Variants in CTNND2 observed in about 807,000 individuals in gnomAD.
The protein encoded by CTNND2 is catenin delta-2.
In CTNND2, 22 loss-of-function variants were observed where a neutral mutation model predicts 144.4. The observed-to-expected ratio is 0.15, with a 90% CI of 0.11 to 0.22. CTNND2 has a LOEUF of 0.22. Ranked by LOEUF, CTNND2 falls within the 10% of genes least tolerant of loss-of-function variation. CTNND2 has a pLI of 1.00. For synonymous variants in CTNND2, 751 were observed against 695.6 expected (o/e 1.08, Z -1.25); for missense variants, 1,353 against 1,618.8 (o/e 0.84, Z 2.82).
chr5:11,733,670 A>G (rs12652861), intron 1 of CTNND2, among the ~76,000 whole-genome samples: 1 of 152,052 alleles, frequency 6.6e-6, no homozygotes, highest in African/African-American at 2.4e-5. Flanking sequence ...CTCCACAAAT[A>G]TTTACCAAGT....
chr5:11,731,861 C>T (rs999561695), intron 2 of CTNND2, among the ~76,000 whole-genome samples: 1 of 152,020 alleles, frequency 6.6e-6, no homozygotes, highest in African/African-American at 2.4e-5. Flanking sequence ...AATGTCAGGT[C>T]CATCAATTAA....
intron 1 of CTNND2, among the ~76,000 whole-genome samples, chr5:11,840,301 GTTTC>G (rs1451551707): frequency 6.6e-6 from 1 of 152,094 alleles, no homozygotes; most frequent in Non-Finnish European, 1.5e-5. Context: ...CATAAATAAT[GTTTC>G]TTTGTCAAAC....
chr5:11,495,036 T>C (rs25939), intron 3 of CTNND2, among the ~76,000 whole-genome samples: 8,010 of 152,200 alleles, frequency 0.053, 658 homozygotes, highest in African/African-American at 0.18. Flanking sequence ...TTCTTTAAAA[T>C]TGCTTTCCTT....
At chr5:11,138,315 T>G (rs961923877) in intron 12 of CTNND2, among the ~76,000 whole-genome samples, 1 of 152,198 alleles carries the variant, frequency 6.6e-6, no homozygotes, top group African/African-American at 2.4e-5. Flanking sequence ...CTCATGGTTC[T>G]TAACCCTATT....
At position 10,987,342 on chromosome 5, in the gene CTNND2, A is replaced by G. The variant is rs368370431; in HGVS notation, c.3343+769T>C. Among the ~76,000 whole-genome samples the G allele has an allele frequency of 2.0e-5, 3 of 152,266 alleles. No individual in the cohort carries two copies. The East Asian group carries it at 5.8e-4, about 29-fold the overall frequency. On this transcript the variant is annotated intron_variant, in intron 20 of 21. Transcript: ENST00000304623. Reference sequence around the variant, plus strand: ...CAGTGACTTAAGGGTAAGCCCTGTTATCAGATGGGCTGGGCATGGCACAGT... The same window carrying G: ...CAGTGACTTAAGGGTAAGCCCTGTTGTCAGATGGGCTGGGCATGGCACAGT...
chr5:11,064,193 C>A (rs767561282), intron 16 of CTNND2, among the ~76,000 whole-genome samples: 2 of 152,124 alleles, frequency 1.3e-5, no homozygotes, highest in Admixed American at 6.5e-5. Context: ...CTTTCCATTT[C>A]TTTTCTCCAA....
chr5:11,114,249 G>C (rs575464476), intron 13 of CTNND2, among the ~76,000 whole-genome samples: 1 of 152,314 alleles, frequency 6.6e-6, no homozygotes, highest in East Asian at 1.9e-4. Context: ...AGGCATCACT[G>C]TTCCTCTGTT....
intron 1 of CTNND2, among the ~76,000 whole-genome samples, chr5:11,768,859 G>A (rs1195890665): frequency 2.4e-4 from 37 of 152,116 alleles, no homozygotes; most frequent in Admixed American, 2.4e-3. Flanking sequence ...CAAACATGTG[G>A]GGAATTCAGT....
intron 2 of CTNND2, among the ~76,000 whole-genome samples, chr5:11,603,422 T>C (rs1779900796): frequency 6.6e-6 from 1 of 152,160 alleles, no homozygotes; most frequent in Non-Finnish European, 1.5e-5. Flanking sequence ...ATTGCTGGTG[T>C]CACCGTCAGG....
chr5:11,431,152 C>A (rs1194001872), intron 3 of CTNND2, among the ~76,000 whole-genome samples: 1 of 152,110 alleles, frequency 6.6e-6, no homozygotes, highest in Non-Finnish European at 1.5e-5. Flanking sequence ...TTTTTCCTGA[C>A]CCTCTTTTGG....
intron 2 of CTNND2, among the ~76,000 whole-genome samples, chr5:11,585,996 G>A (rs1465165335): frequency 6.6e-6 from 1 of 152,134 alleles, no homozygotes; most frequent in Non-Finnish European, 1.5e-5. Context: ...GGCGTGGGAG[G>A]GATGGGTGGC....
chr5:11,174,157 T>G (rs1027156734), intron 11 of CTNND2, among the ~76,000 whole-genome samples: 1 of 152,154 alleles, frequency 6.6e-6, no homozygotes, highest in Non-Finnish European at 1.5e-5. Flanking sequence ...CAGGAAGTTG[T>G]GGGCTCCAGT....
chr5:11,293,789 TGTGCCC>T lies in CTNND2; in HGVS notation c.1628+52577_1628+52582del, dbSNP rs552668052. Among the ~76,000 whole-genome samples the T allele has an allele frequency of 3.3e-3, 479 of 144,386 alleles. 1 individual carries two copies. The highest frequency in any genetic ancestry group is 0.012 in the African/African-American group (460 of 39,952). The allele number at this position is 144,386 out of a possible 152,430, so 94.7% of individuals were successfully genotyped here. A position where few individuals can be genotyped will look rare whatever the true frequency, so the allele number is the denominator to read the frequency against. On this transcript the variant is annotated intron_variant, in intron 9 of 21. Transcript: ENST00000304623. ...CACAGGCAAAAAAGACTCCAAGAAA[TGTGCCC>T]ACATTTCTTGGAGTCTTTTTTGCCT...
intron 16 of CTNND2, among the ~76,000 whole-genome samples, chr5:11,076,358 C>T (rs1047620460): frequency 2.0e-5 from 3 of 151,138 alleles, no homozygotes; most frequent in East Asian, 1.9e-4. Flanking sequence ...TGGGATTTGC[C>T]TAAAATAAGT....
chr5:11,671,984 G>A (rs1192446092), intron 2 of CTNND2, among the ~76,000 whole-genome samples: 1 of 152,174 alleles, frequency 6.6e-6, no homozygotes, highest in Non-Finnish European at 1.5e-5. Context: ...CCTTTTAGTT[G>A]ATGTTGGTAC....
intron 9 of CTNND2, among the ~76,000 whole-genome samples, chr5:11,276,991 T>G (rs1251145624): frequency 1.3e-5 from 2 of 152,198 alleles, no homozygotes. Flanking sequence ...AAGAATACAT[T>G]TCTGTTGTTT....
At chr5:11,483,924 T>C (rs1416069540) in intron 3 of CTNND2, among the ~76,000 whole-genome samples, 2 of 152,142 alleles carry the variant, frequency 1.3e-5, no homozygotes, top group Admixed American at 1.3e-4. Context: ...TGGATTGGGA[T>C]AGACAAGTGA....
At chr5:11,817,984 T>TG (rs1793087175) in intron 1 of CTNND2, among the ~76,000 whole-genome samples, 1 of 44,954 alleles carries the variant, frequency 2.2e-5, no homozygotes, top group South Asian at 1.5e-3. Flanking sequence ...ATGAGGTGTT[T>TG]TTTTTTTTTT....
intron 2 of CTNND2, among the ~76,000 whole-genome samples, chr5:11,724,247 G>A (rs1300238295): frequency 6.6e-6 from 1 of 152,064 alleles, no homozygotes; most frequent in Non-Finnish European, 1.5e-5. Context: ...TCTCCATAAA[G>A]ACAGAGTCAC....
Sources: gnomAD v4.1 joint callset for allele counts (sites outside exome capture counted in the v4.1 genomes callset) on GRCh38, gnomAD v4.1.1 for gene constraint, MANE v1.5 for transcripts, NCBI Gene and HGNC (gene_info 2026-07-23, HGNC 2026-07-21) for gene names.